Variants in RANBP2 observed in about 807,000 individuals in gnomAD.
RANBP2 encodes the protein E3 SUMO-protein ligase RanBP2.
RANBP2 carries 57 observed loss-of-function variants against 303.6 expected under a neutral mutation model. That is an observed-to-expected ratio of 0.19 (90% CI 0.15 to 0.23). RANBP2 has a LOEUF of 0.23. RANBP2 is among the 10% of genes least tolerant of loss of function. RANBP2 has a pLI of 1.00. For missense variants in RANBP2, 3,138 were observed against 3,780.8 expected, an observed-to-expected ratio of 0.83 and a Z score of 4.46; for synonymous variants, 1,167 against 1,301.5, an observed-to-expected ratio of 0.90 and a Z score of 2.23.
the RANBP2 span, among the ~76,000 whole-genome samples, chr2:109,005,469 A>G: frequency 1.3e-5 from 2 of 151,892 alleles, no homozygotes; most frequent in Non-Finnish European, 2.9e-5. Flanking sequence ...TTGACCTCCC[A>G]TCCTTCTGCC....
chr2:109,623,778 A>G, the RANBP2 span, among the ~76,000 whole-genome samples: 2 of 152,342 alleles, frequency 1.3e-5, no homozygotes, highest in Middle Eastern at 3.4e-3. Context: ...TTTATCAAGA[A>G]GGTGGATACC....
chr2:108,832,838 A>T, the RANBP2 span, among the ~76,000 whole-genome samples: 15 of 152,240 alleles, frequency 9.9e-5, no homozygotes, highest in Non-Finnish European at 4.4e-5. Context: ...GTGAGGTATG[A>T]TGTGAGGAAA....
At chr2:109,393,269 C>T in the RANBP2 span, among the ~76,000 whole-genome samples, 1 of 152,220 alleles carries the variant, frequency 6.6e-6, no homozygotes. Flanking sequence ...TGAGTCTGGT[C>T]CATGGAGGGT....
intron 2 of RANBP2, 97 bp from the exon 3 acceptor site, chr2:108,730,677 G>T: frequency 6.9e-7 from 1 of 1,447,588 alleles, no homozygotes; most frequent in Non-Finnish European, 9.6e-7. Flanking sequence ...ATATAAACGA[G>T]TTTAGTGGTT....
the RANBP2 span, among the ~76,000 whole-genome samples, chr2:109,135,884 G>A: frequency 1.2e-4 from 19 of 152,174 alleles, 1 homozygote; most frequent in South Asian, 2.7e-3. Context: ...GGGAAAAAAC[G>A]TCTAAGCCAT....
chr2:109,229,948 C>T, the RANBP2 span, among the ~76,000 whole-genome samples: 5 of 151,790 alleles, frequency 3.3e-5, no homozygotes, highest in African/African-American at 1.2e-4. Context: ...CCTCAGCCTC[C>T]CAAGTAGCTG....
chr2:108,821,711 G>GA, the RANBP2 span, among the ~76,000 whole-genome samples: 479 of 151,942 alleles, frequency 3.2e-3, 1 homozygote, highest in African/African-American at 0.011. Flanking sequence ...TTGGGAGGCT[G>GA]AGACAGGTGG....
At chr2:108,783,332 T>TA (rs1678388673) in intron 28 of RANBP2, among the ~76,000 whole-genome samples, 1 of 59,668 alleles carries the variant, frequency 1.7e-5, no homozygotes. Context: ...CAGCCTGTCA[T>TA]TAAAAAAAAA....
chr2:109,638,103 A>G, the RANBP2 span, among the ~76,000 whole-genome samples: 1 of 152,224 alleles, frequency 6.6e-6, no homozygotes, highest in Non-Finnish European at 1.5e-5. Flanking sequence ...ATGACTGTAC[A>G]TGACTGTACT....
chr2:108,932,195 G>A, the RANBP2 span, among the ~76,000 whole-genome samples: 1 of 152,032 alleles, frequency 6.6e-6, no homozygotes, highest in African/African-American at 2.4e-5. Flanking sequence ...ACAGCCTAAA[G>A]GCATTAGGTA....
the RANBP2 span, among the ~76,000 whole-genome samples, chr2:109,295,164 G>A: frequency 6.6e-6 from 1 of 152,240 alleles, no homozygotes; most frequent in Non-Finnish European, 1.5e-5. Flanking sequence ...TGGCCTGCAG[G>A]TGCCTGCCCC....
the RANBP2 span, among the ~76,000 whole-genome samples, chr2:109,728,583 G>T: frequency 6.6e-6 from 1 of 151,292 alleles, no homozygotes; most frequent in African/African-American, 2.4e-5. Context: ...AGCCTCCCGA[G>T]TAGCAGGGAT....
chr2:108,979,053 C>T, the RANBP2 span, among the ~76,000 whole-genome samples: 1 of 152,240 alleles, frequency 6.6e-6, no homozygotes, highest in East Asian at 1.9e-4. Flanking sequence ...CAGAGAGGTG[C>T]CAGCTTCAAA....
the RANBP2 span, among the ~76,000 whole-genome samples, chr2:109,387,766 C>T: frequency 3.3e-5 from 5 of 152,302 alleles, no homozygotes; most frequent in African/African-American, 1.2e-4. Context: ...GGGGTTTTGT[C>T]TGTATTTATT....
At chr2:109,678,938 C>T in the RANBP2 span, among the ~76,000 whole-genome samples, 15 of 152,138 alleles carry the variant, frequency 9.9e-5, no homozygotes, top group Non-Finnish European at 1.6e-4. Context: ...AGGAAGGAGG[C>T]GCTGCCCACA....
At chr2:108,853,959 TATA>T in the RANBP2 span, among the ~76,000 whole-genome samples, 90 of 118,584 alleles carry the variant, frequency 7.6e-4, no homozygotes, top group Non-Finnish European at 1.1e-3. Flanking sequence ...AATAAATATA[TATA>T]ATAAAATATA....
At chr2:109,291,391 G>A in the RANBP2 span, among the ~76,000 whole-genome samples, 1 of 151,748 alleles carries the variant, frequency 6.6e-6, no homozygotes, top group Non-Finnish European at 1.5e-5. Flanking sequence ...TGCCCAAACA[G>A]TGAGTGGGGA....
At chr2:109,026,680 G>A in the RANBP2 span, among the ~76,000 whole-genome samples, 3 of 152,144 alleles carry the variant, frequency 2.0e-5, no homozygotes, top group East Asian at 5.8e-4. Context: ...CTCTAGGTGG[G>A]GAAAAAGCTC....
chr2:109,384,486 G>A, the RANBP2 span, among the ~76,000 whole-genome samples: 1 of 152,006 alleles, frequency 6.6e-6, no homozygotes, highest in Non-Finnish European at 1.5e-5. Flanking sequence ...GACCAAGCAG[G>A]CAGGTGGGAG....
Sources: gnomAD v4.1 joint callset for allele counts (sites outside exome capture counted in the v4.1 genomes callset) on GRCh38, gnomAD v4.1.1 for gene constraint, MANE v1.5 for transcripts, NCBI Gene and HGNC (gene_info 2026-07-23, HGNC 2026-07-21) for gene names.